Variants in EYS observed in about 807,000 individuals in gnomAD.
EYS encodes protein eyes shut homolog.
In EYS, 250 loss-of-function variants were observed where a neutral mutation model predicts 282.1. The observed-to-expected ratio is 0.89, with a 90% CI of 0.80 to 0.98. The LOEUF (loss-of-function observed/expected upper bound fraction) is 0.98, where lower values mean the gene tolerates loss of function less well. Among genes scored for constraint, EYS ranks in the 50% least tolerant of loss-of-function variants. The pLI is 0.00. For synonymous variants in EYS, 1,355 were observed against 1,282.9 expected (o/e 1.06, Z -1.20); for missense variants, 4,016 against 3,709.0 (o/e 1.08, Z -2.15).
intron 31 of EYS, among the ~76,000 whole-genome samples, chr6:64,213,166 C>T (rs1582435605): frequency 1.3e-5 from 2 of 152,174 alleles, no homozygotes; most frequent in South Asian, 2.1e-4. Context: ...ACAACAAACC[C>T]TCATGACGCA....
At position 64,760,134 on chromosome 6, in the gene EYS, C is replaced by A. The variant is rs1471993498; in HGVS notation, c.3443+53244G>T. ...CTAAACAAGGATAATTTGATGCAGG[C>A]CACAGTGCCCTCTGTCTTCTCACCC... On this transcript the variant is annotated intron_variant, in intron 22 of 42. Transcript: ENST00000503581. 2.6e-5 allele frequency among the ~76,000 whole-genome samples: 4 copies of A among 152,232 alleles called. No homozygotes were observed. The Middle Eastern group carries it at 0.01, about 388-fold the overall frequency.
At chr6:64,479,088 T>C (rs149806705) in intron 26 of EYS, among the ~76,000 whole-genome samples, 7 of 152,066 alleles carry the variant, frequency 4.6e-5, no homozygotes, top group African/African-American at 1.4e-4. Flanking sequence ...ATCACCAATA[T>C]AGTAAAAAAT....
At chr6:64,210,657 T>G (rs1765736684) in intron 31 of EYS, among the ~76,000 whole-genome samples, 1 of 152,196 alleles carries the variant, frequency 6.6e-6, no homozygotes, top group African/African-American at 2.4e-5. Flanking sequence ...TGGCAATGAT[T>G]AAATTCAAGA....
In EYS at chr6:64,069,428, A is replaced by G. The variant is rs114236605; in HGVS notation, c.6572-2937T>C. 3.6e-3 allele frequency among the ~76,000 whole-genome samples: 552 copies of G among 152,072 alleles called. 2 individuals carry two copies. The highest frequency in any genetic ancestry group is 0.013 in the African/African-American group (524 of 41,492). ...CTTTTCTTCTATTGTTTTTATCAGTATATGTATGTATATACATATCAGTAT... is the reference window on the plus strand; with the variant it reads ...CTTTTCTTCTATTGTTTTTATCAGTGTATGTATGTATATACATATCAGTAT... On this transcript the variant is annotated intron_variant, in intron 32 of 42. Transcript: ENST00000503581.
chr6:65,410,435 T>C lies in EYS; in HGVS notation c.863-5068A>G, dbSNP rs568700239. 2.0e-5 allele frequency among the ~76,000 whole-genome samples: 3 copies of C among 152,138 alleles called. No individual in the cohort carries two copies. In the East Asian group the frequency reaches 5.8e-4, roughly 29 times the overall value. ...CATCTCTTCTAGCCGTTTTGTAATATATAGCACCTTACTTAAGCATAGTCA... is the reference window on the plus strand; with the variant it reads ...CATCTCTTCTAGCCGTTTTGTAATACATAGCACCTTACTTAAGCATAGTCA... On this transcript the variant is annotated intron_variant, in intron 5 of 42. Coordinates refer to ENST00000503581, the MANE Select transcript of EYS (RefSeq NM_001142800.2).
intron 15 of EYS, among the ~76,000 whole-genome samples, chr6:64,927,460 T>C (rs888350189): frequency 5.9e-5 from 9 of 152,182 alleles, no homozygotes; most frequent in African/African-American, 2.2e-4. Context: ...ATCAATTCTA[T>C]AGACTGAAAC....
rs539197632 is a variant in EYS at position 64,260,898 on chromosome 6, G to A, written c.6192-30074C>T. 2.0e-5 allele frequency among the ~76,000 whole-genome samples: 3 copies of A among 151,542 alleles called. No individual in the cohort carries two copies. The East Asian group carries it at 5.8e-4, about 30-fold the overall frequency. ...TTTTAGTTTTTAGTTTTTAATTGCT[G>A]TGGATACATAATAGGTATATATATT... On this transcript the variant is annotated intron_variant, in intron 30 of 42. Coordinates refer to ENST00000503581, the MANE Select transcript of EYS (RefSeq NM_001142800.2).
chr6:64,809,220 C>T (rs968877103), intron 22 of EYS, among the ~76,000 whole-genome samples: 2 of 152,010 alleles, frequency 1.3e-5, no homozygotes, highest in African/African-American at 4.8e-5. Context: ...GAAACTGACA[C>T]ACTGAGTCAA....
intron 36 of EYS, among the ~76,000 whole-genome samples, chr6:63,810,905 C>T (rs777287528): frequency 6.6e-6 from 1 of 152,134 alleles, no homozygotes. Flanking sequence ...CAGAGAACTA[C>T]CTGATGCTTT....
At chr6:64,606,451 T>C (rs1766940955) in intron 24 of EYS, among the ~76,000 whole-genome samples, 4 of 152,036 alleles carry the variant, frequency 2.6e-5, no homozygotes. Context: ...TTAGTTAATA[T>C]ATTATCATTT....
At chr6:64,261,110 A>T (rs1158112855) in intron 30 of EYS, among the ~76,000 whole-genome samples, 1 of 152,076 alleles carries the variant, frequency 6.6e-6, no homozygotes, top group Non-Finnish European at 1.5e-5. Flanking sequence ...TACACCAAAT[A>T]CTAGATCATA....
intron 12 of EYS, among the ~76,000 whole-genome samples, chr6:65,131,521 C>T (rs1775877162): frequency 1.3e-5 from 2 of 151,930 alleles, no homozygotes; most frequent in African/African-American, 4.8e-5. Context: ...TCACGAAGTT[C>T]TTTGAAACTA....
intron 22 of EYS, among the ~76,000 whole-genome samples, chr6:64,702,220 C>T (rs1367366794): frequency 6.6e-6 from 1 of 151,766 alleles, no homozygotes; most frequent in Admixed American, 6.6e-5. Flanking sequence ...AACATTTTTA[C>T]AAATACAAAA....
chr6:64,063,706 G>GT (rs377732568), intron 33 of EYS, among the ~76,000 whole-genome samples: 2 of 151,980 alleles, frequency 1.3e-5, no homozygotes, highest in African/African-American at 4.8e-5. Flanking sequence ...ATATGCCATG[G>GT]TTTTTTCTAG....
intron 32 of EYS, among the ~76,000 whole-genome samples, chr6:64,074,783 A>C (rs73762727): frequency 0.029 from 4,456 of 152,016 alleles, 214 homozygotes; most frequent in African/African-American, 0.1. Context: ...TAACAGAAAA[A>C]TACCTCACAT....
chr6:65,349,862 G>A (rs1323289766), intron 9 of EYS, among the ~76,000 whole-genome samples: 2 of 151,534 alleles, frequency 1.3e-5, no homozygotes, highest in East Asian at 3.9e-4. Flanking sequence ...ATGTATGCAT[G>A]CGCCTATACT....
At chr6:64,018,967 G>C (rs922104181) in intron 33 of EYS, among the ~76,000 whole-genome samples, 1 of 151,912 alleles carries the variant, frequency 6.6e-6, no homozygotes, top group African/African-American at 2.4e-5. Flanking sequence ...TAGAGACGGG[G>C]TTTCGCCATG....
chr6:65,624,264 C>G (rs1369980252), intron 2 of EYS, among the ~76,000 whole-genome samples: 5 of 152,098 alleles, frequency 3.3e-5, no homozygotes, highest in African/African-American at 1.2e-4. Context: ...TTTAAAATGA[C>G]TTAGTATTGG....
intron 12 of EYS, among the ~76,000 whole-genome samples, chr6:65,109,269 A>C (rs1237979501): frequency 6.6e-6 from 1 of 151,990 alleles, no homozygotes; most frequent in Non-Finnish European, 1.5e-5. Flanking sequence ...TCTTGAACCT[A>C]TGCTATGTGT....
Sources: gnomAD v4.1 joint callset for allele counts (sites outside exome capture counted in the v4.1 genomes callset) on GRCh38, gnomAD v4.1.1 for gene constraint, MANE v1.5 for transcripts, NCBI Gene and HGNC (gene_info 2026-07-23, HGNC 2026-07-21) for gene names.